Variants in EPS8 observed in about 807,000 individuals in gnomAD.
EPS8 encodes epidermal growth factor receptor kinase substrate 8.
A neutral mutation model predicts 103.8 loss-of-function variants in EPS8; 42 were observed. The ratio of observed to expected loss-of-function variants is 0.40; its 90% CI spans 0.32 to 0.52. EPS8 has a LOEUF of 0.52. EPS8 is among the 20% of genes least tolerant of loss of function. The probability of loss-of-function intolerance (pLI) is 0.40; values close to 1 mark genes in which losing one functional copy is unlikely to be tolerated. For missense variants in EPS8, 969 were observed against 1,005.1 expected, an observed-to-expected ratio of 0.96 and a Z score of 0.49; for synonymous variants, 344 against 344.6, an observed-to-expected ratio of 1.00 and a Z score of 0.02.
At chr12:15,709,606 C>A (rs536502608) in intron 1 of EPS8, among the ~76,000 whole-genome samples, 1 of 152,166 alleles carries the variant, frequency 6.6e-6, no homozygotes. Context: ...TATGAATGGG[C>A]AAAGGGAGCC....
chr12:15,675,417 T>C (rs1015077541), intron 3 of EPS8, among the ~76,000 whole-genome samples: 1 of 152,122 alleles, frequency 6.6e-6, no homozygotes, highest in Non-Finnish European at 1.5e-5. Flanking sequence ...CTGGCCAACA[T>C]GGCGAAAGGC....
intron 10 of EPS8, among the ~76,000 whole-genome samples, chr12:15,659,624 G>A (rs529790315): frequency 9.9e-5 from 15 of 152,138 alleles, no homozygotes; most frequent in Non-Finnish European, 1.9e-4. Context: ...AGAAGATAAA[G>A]CCAAAGGTCA....
In EPS8 at chr12:15,727,237, C is replaced by T. The variant is rs1021167692; in HGVS notation, c.-21-44265G>A. Among the ~76,000 whole-genome samples the T allele has an allele frequency of 3.9e-5, 6 of 152,144 alleles. No homozygotes were observed. The highest frequency in any genetic ancestry group is 1.2e-4 in the African/African-American group (5 of 41,420). On this transcript the variant is annotated intron_variant, in intron 1 of 20. Transcript: ENST00000281172. The surrounding 1 kb of genome is among the most constrained non-coding windows in gnomAD (Gnocchi z 4.3). The stretch of plus-strand genomic sequence containing the variant: ...CTTCCCTCGTGGATTTAATATCTAC[C>T]TTTATACGTAGGACTTTACACAACT...
Position 15,775,124 on chromosome 12 carries a change from T to C in EPS8, c.-22+14037A>G, listed in dbSNP as rs567430008. Reference sequence around the variant, plus strand: ...AGTCCACATTTTCCTTGCTTGCAAGTGAAATGCAAAAACAATTTTGCAACT... The same window carrying C: ...AGTCCACATTTTCCTTGCTTGCAAGCGAAATGCAAAAACAATTTTGCAACT... On this transcript the variant is annotated intron_variant, in intron 1 of 20. Coordinates refer to ENST00000281172, the MANE Select transcript of EPS8 (RefSeq NM_004447.6). Among the ~76,000 whole-genome samples the C allele has an allele frequency of 1.4e-3, 217 of 152,206 alleles. 2 individuals are homozygous for C. The highest frequency in any genetic ancestry group is 9.6e-4 in the Non-Finnish European group (65 of 67,990).
chr12:15,699,913 T>C (rs1946290736), intron 1 of EPS8, among the ~76,000 whole-genome samples: 1 of 152,216 alleles, frequency 6.6e-6, no homozygotes, highest in Non-Finnish European at 1.5e-5. Flanking sequence ...GCCAGCACTT[T>C]GGGAGGCTAA....
chr12:15,639,932 T>G (rs1217354283), intron 17 of EPS8, among the ~76,000 whole-genome samples: 1 of 152,240 alleles, frequency 6.6e-6, no homozygotes, highest in Admixed American at 6.5e-5. Flanking sequence ...CCAGGTTCAC[T>G]GGCTGTACCT....
chr12:15,649,813 C>T (rs1489086920), intron 14 of EPS8, among the ~76,000 whole-genome samples: 28 of 152,102 alleles, frequency 1.8e-4, no homozygotes, highest in Admixed American at 1.8e-3. Context: ...ATATAATACA[C>T]CATGGTTTGA....
chr12:15,709,891 T>C (rs1221115750), intron 1 of EPS8, among the ~76,000 whole-genome samples: 1 of 152,220 alleles, frequency 6.6e-6, no homozygotes, highest in Non-Finnish European at 1.5e-5. Flanking sequence ...AGTTAGATTG[T>C]CATAAGGAAC....
intron 3 of EPS8, among the ~76,000 whole-genome samples, chr12:15,679,250 T>A (rs771563048): frequency 1.3e-5 from 2 of 152,158 alleles, no homozygotes; most frequent in Non-Finnish European, 2.9e-5. Flanking sequence ...CCTATTACTA[T>A]CCTGAGTAAA....
chr12:15,658,225 C>G (rs934183249), intron 11 of EPS8, 72 bp from the exon 12 acceptor site: 1 of 991,610 alleles, frequency 1.0e-6, no homozygotes, highest in Non-Finnish European at 1.6e-6. Context: ...CCAACATAGA[C>G]ACAGAGGGGA....
chr12:15,639,244 A>G (rs1471227770), intron 17 of EPS8, among the ~76,000 whole-genome samples: 6 of 152,178 alleles, frequency 3.9e-5, no homozygotes, highest in African/African-American at 9.7e-5. Flanking sequence ...TATAGGTTTC[A>G]AGCATATACT....
chr12:15,622,739 C>G (rs1944880176), intron 20 of EPS8, among the ~76,000 whole-genome samples: 1 of 151,498 alleles, frequency 6.6e-6, no homozygotes, highest in South Asian at 2.1e-4. Context: ...CTAACACACA[C>G]AGCCAGGGTT....
At chr12:15,750,607 C>G (rs974437654) in intron 1 of EPS8, among the ~76,000 whole-genome samples, 1 of 152,160 alleles carries the variant, frequency 6.6e-6, no homozygotes, top group Non-Finnish European at 1.5e-5. Context: ...ATTCAAGGAG[C>G]CTCAAGCAGT....
chr12:15,694,071 A>C (rs1027433371), intron 1 of EPS8, among the ~76,000 whole-genome samples: 1 of 152,234 alleles, frequency 6.6e-6, no homozygotes, highest in African/African-American at 2.4e-5. Flanking sequence ...TTTTTCAAAA[A>C]ATGAAACAAA....
intron 18 of EPS8, among the ~76,000 whole-genome samples, chr12:15,628,527 A>G (rs1944988133): frequency 6.6e-6 from 1 of 152,256 alleles, no homozygotes; most frequent in African/African-American, 2.4e-5. Context: ...GGAGAAATAC[A>G]AAGCAACTAA....
chr12:15,778,358 A>G lies in EPS8; in HGVS notation c.-22+10803T>C, dbSNP rs1168568237. Among the ~76,000 whole-genome samples, 1 of 152,236 alleles carries G rather than the reference A, an allele frequency of 6.6e-6. No individual in the cohort carries two copies. The highest frequency in any genetic ancestry group is 6.5e-5 in the Admixed American group (1 of 15,288). ...GTATTGGACCAATGACCAGATTTTT[A>G]TCACAGAAAGGATTCCATTGCTATT... On this transcript the variant is annotated intron_variant, in intron 1 of 20. Transcript: ENST00000281172. This position sits in a 1 kb window ranked among gnomAD's most constrained non-coding sequence, Gnocchi z 4.5.
intron 1 of EPS8, among the ~76,000 whole-genome samples, chr12:15,724,674 G>A (rs560507105): frequency 4.6e-5 from 7 of 152,190 alleles, no homozygotes; most frequent in Non-Finnish European, 5.9e-5. Context: ...TCACAAGGCA[G>A]TGTCCTCCAT....
At chr12:15,647,096 A>G in intron 15 of EPS8, 31 bp downstream of exon 15, 1 of 1,600,068 alleles carries the variant, frequency 6.2e-7, no homozygotes, top group Non-Finnish European at 8.5e-7. Context: ...ATTTATCCAC[A>G]GCTCTCCAAA....
Position 15,752,181 on chromosome 12 carries a change from C to G in EPS8, c.-22+36980G>C, listed in dbSNP as rs1425292075. On this transcript the variant is annotated intron_variant, in intron 1 of 20. Coordinates refer to ENST00000281172, the MANE Select transcript of EPS8 (RefSeq NM_004447.6). The surrounding 1 kb of genome is among the most constrained non-coding windows in gnomAD (Gnocchi z 4.4). ...AATTCCCCTAGGCCGGGCGTGGTGGCTCACGCCTGTAATCCCAGCACTTTG... is the reference window on the plus strand; with the variant it reads ...AATTCCCCTAGGCCGGGCGTGGTGGGTCACGCCTGTAATCCCAGCACTTTG... Among the ~76,000 whole-genome samples the G allele has an allele frequency of 1.3e-5, 2 of 152,180 alleles. No individual in the cohort carries two copies. Among genetic ancestry groups the G allele is most frequent in the Non-Finnish European group, 2.9e-5 (2 of 68,020 alleles).
Sources: allele counts gnomAD v4.1 joint callset (sites outside exome capture counted in the v4.1 genomes callset), GRCh38; gene constraint gnomAD v4.1.1; non-coding constraint Gnocchi (gnomAD v3.1); transcripts MANE v1.5; gene names NCBI Gene and HGNC (gene_info 2026-07-23, HGNC 2026-07-21).